The following NBAS variants were observed in gnomAD, a reference collection of about 807,000 sequenced individuals.
NBAS encodes NBAS subunit of NRZ tethering complex.
A neutral mutation model predicts 302.5 loss-of-function variants in NBAS; 219 were observed. The observed-to-expected ratio is 0.72, with a 90% CI of 0.65 to 0.81. NBAS has a LOEUF of 0.81. NBAS is among the 30% of genes least tolerant of loss of function. NBAS has a pLI of 0.00. For missense variants in NBAS, 2,932 were observed against 2,841.6 expected, an observed-to-expected ratio of 1.03 and a Z score of -0.72; for synonymous variants, 1,118 against 1,021.6, an observed-to-expected ratio of 1.09 and a Z score of -1.80.
chr2:15,065,512 C>T, the NBAS span, among the ~76,000 whole-genome samples: 4 of 152,096 alleles, frequency 2.6e-5, no homozygotes, highest in South Asian at 2.1e-4. Flanking sequence ...AAACTCCACA[C>T]ACGAAATATT....
At chr2:15,097,009 G>A in the NBAS span, among the ~76,000 whole-genome samples, 5 of 152,204 alleles carry the variant, frequency 3.3e-5, no homozygotes, top group South Asian at 2.1e-4. Context: ...ATGCAGGAAT[G>A]TGGTGGGCAG....
the NBAS span, among the ~76,000 whole-genome samples, chr2:15,037,873 C>T: frequency 6.6e-6 from 1 of 152,008 alleles, no homozygotes; most frequent in Admixed American, 6.6e-5. Context: ...AGGTTTCAGT[C>T]ATACTATTTG....
chr2:15,424,122 T>G (rs1677342100), intron 23 of NBAS, among the ~76,000 whole-genome samples, 193 bp downstream of exon 23: 1 of 152,250 alleles, frequency 6.6e-6, no homozygotes, highest in African/African-American at 2.4e-5. Flanking sequence ...GCACCTGCTC[T>G]GTAAGAATCC....
chr2:14,956,969 G>C, the NBAS span, among the ~76,000 whole-genome samples: 1 of 152,174 alleles, frequency 6.6e-6, no homozygotes, highest in Non-Finnish European at 1.5e-5. Context: ...TTAAGTTAAA[G>C]TGAAGTCATC....
At chr2:15,034,073 A>T in the NBAS span, among the ~76,000 whole-genome samples, 1 of 41,328 alleles carries the variant, frequency 2.4e-5, no homozygotes, top group Non-Finnish European at 4.0e-5. Context: ...GGGGAAGGAG[A>T]GGAAGAAGAA....
chr2:14,955,674 G>A, the NBAS span, among the ~76,000 whole-genome samples: 1 of 152,188 alleles, frequency 6.6e-6, no homozygotes, highest in African/African-American at 2.4e-5. Flanking sequence ...CCAGGCTTGG[G>A]GCTTGCACCC....
the NBAS span, among the ~76,000 whole-genome samples, chr2:15,034,030 G>GAAGA: frequency 2.3e-5 from 1 of 44,274 alleles, no homozygotes; most frequent in Non-Finnish European, 3.8e-5. Context: ...AGAAGAAGAG[G>GAAGA]AGGAGGAAGG....
At chr2:15,313,931 A>AC (rs1671391148) in intron 38 of NBAS, among the ~76,000 whole-genome samples, 1 of 152,196 alleles carries the variant, frequency 6.6e-6, no homozygotes, top group Non-Finnish European at 1.5e-5. Flanking sequence ...CATTAACCAC[A>AC]CGTCACCTGG....
In NBAS at chr2:15,234,659, T is replaced by A. The variant is rs752561298; in HGVS notation, c.6032A>T (p.Asp2011Val). 1 of 1,614,176 alleles carries A rather than the reference T, an allele frequency of 6.2e-7. No homozygotes were observed. The highest frequency in any genetic ancestry group is 1.1e-5 in the South Asian group (1 of 91,078). Reference sequence around the variant, plus strand: ...CTGAATCATTGCTAGAGGCTGACCATCTAAACAAATAGCCACAGCTTCATC... The same window carrying A: ...CTGAATCATTGCTAGAGGCTGACCAACTAAACAAATAGCCACAGCTTCATC... ...LHDEAVAICL[D>V]GQPLAMIQQL... The change falls in exon 46 of 52, where the codon GAT becomes GTT. Residue 2011 changes from aspartate to valine, a missense_variant. Coordinates refer to ENST00000281513, the MANE Select transcript of NBAS (RefSeq NM_015909.4).
chr2:14,831,746 C>A, the NBAS span, among the ~76,000 whole-genome samples: 3 of 152,170 alleles, frequency 2.0e-5, no homozygotes. Flanking sequence ...AGTCACTTCA[C>A]TTCTCTTAAC....
intron 35 of NBAS, among the ~76,000 whole-genome samples, chr2:15,336,947 A>C (rs1031598369): frequency 6.6e-6 from 1 of 152,170 alleles, no homozygotes; most frequent in Non-Finnish European, 1.5e-5. Context: ...CTACATTTAG[A>C]GGTAAATGAA....
At chr2:15,397,568 C>T (rs553140154) in intron 26 of NBAS, 2 of 618,596 alleles carry the variant, frequency 3.2e-6, no homozygotes, top group Admixed American at 1.9e-5. Flanking sequence ...CACACAGTAA[C>T]GTAGCTTCAC....
chr2:15,294,434 C>T (rs1389255837), intron 40 of NBAS, among the ~76,000 whole-genome samples: 1 of 152,190 alleles, frequency 6.6e-6, no homozygotes, highest in Non-Finnish European at 1.5e-5. Flanking sequence ...AACAGTATTC[C>T]TGGCGACAGA....
chr2:15,074,094 T>C, the NBAS span, among the ~76,000 whole-genome samples: 2 of 152,122 alleles, frequency 1.3e-5, no homozygotes, highest in Non-Finnish European at 2.9e-5. Context: ...CAACTTGATG[T>C]TGGTTCAGGA....
intron 44 of NBAS, among the ~76,000 whole-genome samples, chr2:15,254,087 C>T (rs1361039733): frequency 6.6e-6 from 1 of 152,086 alleles, no homozygotes; most frequent in Non-Finnish European, 1.5e-5. Context: ...TGCAACTTCT[C>T]CAATTACTCC....
chr2:15,038,624 A>T, the NBAS span, among the ~76,000 whole-genome samples: 1 of 151,982 alleles, frequency 6.6e-6, no homozygotes, highest in Admixed American at 6.5e-5. Flanking sequence ...CTGACCTTAC[A>T]CTTCTGTGTC....
At chr2:15,197,834 C>T (rs890342376) in intron 48 of NBAS, among the ~76,000 whole-genome samples, 4 of 152,214 alleles carry the variant, frequency 2.6e-5, no homozygotes, top group Non-Finnish European at 4.4e-5. Context: ...CCATCTCAAA[C>T]ATCCCTCTCA....
chr2:15,003,931 T>G, the NBAS span, among the ~76,000 whole-genome samples: 1 of 152,232 alleles, frequency 6.6e-6, no homozygotes, highest in African/African-American at 2.4e-5. Flanking sequence ...TCGGCTTTAC[T>G]CTAGTGACTC....
intron 35 of NBAS, among the ~76,000 whole-genome samples, chr2:15,336,196 T>TA (rs1325984505): frequency 1.3e-5 from 2 of 152,202 alleles, no homozygotes; most frequent in Non-Finnish European, 2.9e-5. Flanking sequence ...CTTAAGACAG[T>TA]ATCACACTTC....
Sources: gnomAD v4.1 joint callset for allele counts (sites outside exome capture counted in the v4.1 genomes callset) on GRCh38, gnomAD v4.1.1 for gene constraint, MANE v1.5 for transcripts, NCBI Gene and HGNC (gene_info 2026-07-23, HGNC 2026-07-21) for gene names.